ROR1: variants seen among roughly 807,000 people sequenced by gnomAD.
ROR1 encodes ROR family WNT receptor 1.
Under a neutral mutation model 78.8 loss-of-function variants are expected in ROR1, and 19 were observed. That is an observed-to-expected ratio of 0.24 (90% confidence interval 0.17 to 0.35). ROR1 has a LOEUF of 0.35. Ranked by LOEUF, ROR1 falls within the 10% of genes least tolerant of loss-of-function variation. ROR1 has a pLI of 1.00. For missense variants in ROR1, 917 were observed against 1,177.8 expected (o/e 0.78, Z 3.24); for synonymous variants, 386 against 433.6 (o/e 0.89, Z 1.36).
At chr1:63,964,598 G>A (rs1215021180) in intron 1 of ROR1, among the ~76,000 whole-genome samples, 1 of 152,168 alleles carries the variant, frequency 6.6e-6, no homozygotes, top group East Asian at 1.9e-4. Flanking sequence ...TGATCTTCGA[G>A]GGTTCTGACG....
At chr1:64,127,322 A>ATTC (rs1648744211) in intron 4 of ROR1, among the ~76,000 whole-genome samples, 1 of 152,192 alleles carries the variant, frequency 6.6e-6, no homozygotes, top group Non-Finnish European at 1.5e-5. Flanking sequence ...TCTGGACCTA[A>ATTC]TTCTTCAACT....
chr1:63,871,976 T>C (rs1645254201), intron 1 of ROR1, among the ~76,000 whole-genome samples: 1 of 152,242 alleles, frequency 6.6e-6, no homozygotes, highest in Admixed American at 6.5e-5. Context: ...ACTAATGAGA[T>C]GCTGTTGAGA....
At chr1:63,874,658 G>A (rs1645272877) in intron 1 of ROR1, among the ~76,000 whole-genome samples, 1 of 152,120 alleles carries the variant, frequency 6.6e-6, no homozygotes, top group Admixed American at 6.6e-5. Flanking sequence ...CAGTAAAAAA[G>A]CAAATGAATG....
intron 1 of ROR1, among the ~76,000 whole-genome samples, chr1:63,982,990 A>G (rs1198251371): frequency 1.3e-5 from 2 of 152,226 alleles, no homozygotes; most frequent in African/African-American, 4.8e-5. Flanking sequence ...CACCTGCCAT[A>G]TATAGTATGT....
Position 64,143,518 on chromosome 1 carries a change from G to A in ROR1, c.1174+868G>A, listed in dbSNP as rs192543956. 2.5e-4 allele frequency: 152 copies of A among 618,418 alleles called. 2 individuals are homozygous for A. The highest frequency in any genetic ancestry group is 8.3e-4 in the East Asian group (6 of 7,190). 38.3% of individuals were successfully genotyped at this position (618,418 alleles called of 1,614,324 possible). ...GAGTCAGGATGTCACTGCTGGAAAA[G>A]CAAAAGCTACAGGGTAGGAGGGTGG... is the stretch of plus-strand genomic sequence containing the variant. On this transcript the variant is annotated intron_variant, in intron 7 of 8. Coordinates refer to ENST00000371079, the MANE Select transcript of ROR1 (RefSeq NM_005012.4).
At chr1:63,962,204 G>A (rs540967641) in intron 1 of ROR1, among the ~76,000 whole-genome samples, 61 of 152,190 alleles carry the variant, frequency 4.0e-4, no homozygotes, top group Non-Finnish European at 8.5e-4. Flanking sequence ...AGGTTGCTGT[G>A]AGCTGAGATT....
intron 2 of ROR1, among the ~76,000 whole-genome samples, chr1:64,048,477 A>T (rs946452297): frequency 6.6e-6 from 1 of 152,188 alleles, no homozygotes; most frequent in African/African-American, 2.4e-5. Context: ...GTTACCCCAG[A>T]CTTGGACCTA....
intron 1 of ROR1, among the ~76,000 whole-genome samples, chr1:63,996,804 A>G (rs1646340509): frequency 6.6e-6 from 1 of 152,168 alleles, no homozygotes; most frequent in Non-Finnish European, 1.5e-5. Context: ...CTTTACCAGC[A>G]GTGCAGTAGA....
intron 8 of ROR1, among the ~76,000 whole-genome samples, chr1:64,171,913 G>A (rs571202370): frequency 6.6e-6 from 1 of 152,270 alleles, no homozygotes; most frequent in African/African-American, 2.4e-5. Context: ...ATATCCTATG[G>A]TAATCACTTC....
At chr1:63,811,441 G>A (rs1190167140) in intron 1 of ROR1, among the ~76,000 whole-genome samples, 1 of 152,132 alleles carries the variant, frequency 6.6e-6, no homozygotes, top group Non-Finnish European at 1.5e-5. Flanking sequence ...TTTTGTCAGG[G>A]GAGTGAGTTG....
intron 7 of ROR1, among the ~76,000 whole-genome samples, chr1:64,152,838 A>C (rs1269015533): frequency 6.6e-6 from 1 of 152,200 alleles, no homozygotes; most frequent in African/African-American, 2.4e-5. Context: ...CCTCAAGCAT[A>C]GCCCTTTACA....
intron 4 of ROR1, among the ~76,000 whole-genome samples, chr1:64,085,042 G>A (rs1163630875): frequency 6.6e-6 from 1 of 152,188 alleles, no homozygotes; most frequent in East Asian, 1.9e-4. Flanking sequence ...TCAACGGAGT[G>A]AGCATGCTTA....
chr1:64,005,841 CTG>C (rs1557605085), intron 1 of ROR1, among the ~76,000 whole-genome samples: 2 of 151,940 alleles, frequency 1.3e-5, no homozygotes, highest in Non-Finnish European at 2.9e-5. Context: ...AATATTTTAT[CTG>C]TTTTTATTAT....
intron 1 of ROR1, among the ~76,000 whole-genome samples, chr1:63,827,828 A>G (rs1644965033): frequency 6.6e-6 from 1 of 152,182 alleles, no homozygotes; most frequent in Admixed American, 6.6e-5. Context: ...GCCAAGTTCC[A>G]GGTTTTCCTA....
chr1:63,867,084 T>A (rs984273160), intron 1 of ROR1, among the ~76,000 whole-genome samples: 1 of 152,238 alleles, frequency 6.6e-6, no homozygotes, highest in African/African-American at 2.4e-5. Context: ...ACTGTTTGGC[T>A]CCTGTACTTA....
intron 1 of ROR1, among the ~76,000 whole-genome samples, chr1:63,793,436 C>T (rs1271450659): frequency 6.6e-6 from 1 of 152,124 alleles, no homozygotes; most frequent in Non-Finnish European, 1.5e-5. Context: ...TCCCAGTTAC[C>T]CTGATTTGAT....
intron 4 of ROR1, chr1:64,094,822 T>A (rs1200917219): frequency 6.6e-6 from 1 of 152,334 alleles, no homozygotes; most frequent in Non-Finnish European, 1.5e-5. Flanking sequence ...ACTGCTGGCC[T>A]CAAATGATCC....
intron 2 of ROR1, among the ~76,000 whole-genome samples, chr1:64,047,685 C>A (rs893727937): frequency 6.6e-6 from 1 of 152,210 alleles, no homozygotes; most frequent in African/African-American, 2.4e-5. Flanking sequence ...TAATTAGTCT[C>A]CCTCCTTTCT....
intron 1 of ROR1, among the ~76,000 whole-genome samples, chr1:63,847,621 G>T (rs530388499): frequency 1.3e-5 from 2 of 152,084 alleles, no homozygotes; most frequent in African/African-American, 4.8e-5. Flanking sequence ...GCGAGGCTGG[G>T]TCGGTAAAAC....
Sources: allele counts gnomAD v4.1 joint callset (sites outside exome capture counted in the v4.1 genomes callset), GRCh38; gene constraint gnomAD v4.1.1; transcripts MANE v1.5; gene names NCBI Gene and HGNC (gene_info 2026-07-23, HGNC 2026-07-21).